HERC3: variants seen among roughly 807,000 people sequenced by gnomAD.
HERC3 encodes HECT and RLD domain containing E3 ubiquitin protein ligase 3.
HERC3 carries 58 observed loss-of-function variants against 129.9 expected under a neutral mutation model. The ratio of observed to expected loss-of-function variants is 0.45; its 90% CI spans 0.36 to 0.56. The LOEUF is 0.56. Ranked by LOEUF, HERC3 falls within the 20% of genes least tolerant of loss-of-function variation. HERC3 has a pLI of 0.00. For missense variants in HERC3, 835 were observed against 1,244.2 expected (o/e 0.67, Z 4.95); for synonymous variants, 430 against 451.0 (o/e 0.95, Z 0.59).
chr4:88,700,700 G>C (rs111734115), intron 23 of HERC3, among the ~76,000 whole-genome samples: 18 of 151,950 alleles, frequency 1.2e-4, no homozygotes, highest in African/African-American at 4.4e-4. Context: ...GTGAAGCCGA[G>C]GGGGGTGGGG....
At chr4:88,550,571 T>C in the HERC3 span, among the ~76,000 whole-genome samples, 12 of 152,060 alleles carry the variant, frequency 7.9e-5, no homozygotes, top group African/African-American at 2.7e-4. Context: ...GGAATCCAAC[T>C]TACAAGGGAC....
chr4:88,670,723 C>T (rs1336037155), intron 16 of HERC3, among the ~76,000 whole-genome samples: 1 of 151,174 alleles, frequency 6.6e-6, no homozygotes, highest in African/African-American at 2.4e-5. Flanking sequence ...TTTTTTTAAA[C>T]CATAATTAAA....
At chr4:88,597,460 G>A (rs1722525048) in intron 2 of HERC3, among the ~76,000 whole-genome samples, 1 of 152,210 alleles carries the variant, frequency 6.6e-6, no homozygotes, top group South Asian at 2.1e-4. Context: ...ATGCCCAGCA[G>A]TGAAATTACT....
chr4:88,704,281 G>A lies in HERC3; in HGVS notation c.2841G>A (p.Glu947=). 1.9e-6 allele frequency: 3 copies of A among 1,613,976 alleles called. No homozygotes were observed. The highest frequency in any genetic ancestry group is 2.5e-6 in the Non-Finnish European group (3 of 1,179,924). ...NSNYNWEELE[E]TAIYKGDYSA... is the part of the protein sequence containing the mutation. ...ACTACAACTGGGAAGAACTGGAAGA[G>A]GTAAGCACAAAAGATCCTTTAACTC... Residue 947 remains glutamate, a splice_region_variant and synonymous_variant, in exon 24 of 26, where the codon GAG becomes GAA. Coordinates refer to ENST00000402738, the MANE Select transcript of HERC3 (RefSeq NM_014606.3).
intron 3 of HERC3, among the ~76,000 whole-genome samples, chr4:88,640,094 T>C (rs1356207419): frequency 6.6e-6 from 1 of 152,164 alleles, no homozygotes. Context: ...CTGGCGAGGC[T>C]ATGGAGAAAT....
chr4:88,569,286 C>T, the HERC3 span, among the ~76,000 whole-genome samples: 1 of 152,202 alleles, frequency 6.6e-6, no homozygotes, highest in East Asian at 1.9e-4. Context: ...CCGGCACTCT[C>T]CTTTCCCCAA....
At chr4:88,612,478 C>T (rs1724455154) in intron 3 of HERC3, among the ~76,000 whole-genome samples, 1 of 152,052 alleles carries the variant, frequency 6.6e-6, no homozygotes, top group Admixed American at 6.6e-5. Flanking sequence ...GCATAGAGGC[C>T]TGTGATTCCC....
chr4:88,539,626 T>C, the HERC3 span, among the ~76,000 whole-genome samples: 1 of 152,130 alleles, frequency 6.6e-6, no homozygotes, highest in African/African-American at 2.4e-5. Flanking sequence ...GGTCCCTGAC[T>C]CTTGTGTTGC....
At chr4:88,578,353 G>A in the HERC3 span, among the ~76,000 whole-genome samples, 117 of 152,212 alleles carry the variant, frequency 7.7e-4, no homozygotes, top group East Asian at 0.014. Context: ...AGGACGAGGC[G>A]GGTAGATCAC....
At chr4:88,559,960 AT>A in the HERC3 span, among the ~76,000 whole-genome samples, 6,601 of 119,310 alleles carry the variant, frequency 0.055, 291 homozygotes, top group East Asian at 0.28. Context: ...GTTATTTTTG[AT>A]TTTTTTTTTT....
chr4:88,697,371 C>T (rs1385632672), intron 23 of HERC3: 3 of 1,613,982 alleles, frequency 1.9e-6, no homozygotes, highest in East Asian at 2.2e-5. Flanking sequence ...ATGCACACCC[C>T]TCCATCTCGC....
intron 3 of HERC3, among the ~76,000 whole-genome samples, chr4:88,613,280 T>C (rs576565086): frequency 6.6e-6 from 1 of 152,346 alleles, no homozygotes; most frequent in South Asian, 2.1e-4. Context: ...AGCTCTAACA[T>C]TTCTGTGCAA....
intron 23 of HERC3, chr4:88,697,603 A>G: frequency 1.2e-6 from 2 of 1,613,476 alleles, no homozygotes; most frequent in Non-Finnish European, 1.7e-6. Flanking sequence ...CTCCTCAGCC[A>G]TCTGACCAGC....
chr4:88,676,511 C>T (rs1578294697), intron 18 of HERC3, 88 bp downstream of exon 18: 1 of 921,452 alleles, frequency 1.1e-6, no homozygotes. Context: ...TAGGAGAAAA[C>T]ATATTTGGTT....
At chr4:88,548,990 T>C in the HERC3 span, among the ~76,000 whole-genome samples, 1 of 152,150 alleles carries the variant, frequency 6.6e-6, no homozygotes, top group Non-Finnish European at 1.5e-5. Flanking sequence ...TGGTGTCCTT[T>C]GCAGTACAGT....
chr4:88,706,260 C>A (rs2149353741), intron 25 of HERC3, among the ~76,000 whole-genome samples: 1 of 152,324 alleles, frequency 6.6e-6, no homozygotes, highest in Middle Eastern at 3.4e-3. Context: ...GTCTGTCTCC[C>A]TCTCTCTCTT....
chr4:88,561,508 A>G, the HERC3 span, among the ~76,000 whole-genome samples: 1 of 152,134 alleles, frequency 6.6e-6, no homozygotes, highest in Non-Finnish European at 1.5e-5. Flanking sequence ...TCTTTGTGTT[A>G]TAAACATTCC....
chr4:88,559,512 A>C, the HERC3 span, among the ~76,000 whole-genome samples: 8 of 152,194 alleles, frequency 5.3e-5, no homozygotes, highest in African/African-American at 1.9e-4. Context: ...TTGTTTTTAC[A>C]GATTCCAGAT....
chr4:88,550,706 T>C, the HERC3 span, among the ~76,000 whole-genome samples: 891 of 149,660 alleles, frequency 6.0e-3, 26 homozygotes, highest in Admixed American at 0.052. Flanking sequence ...ATGGCCATAC[T>C]GCCCAAGGTA....
Sources: gnomAD v4.1 joint callset for allele counts (sites outside exome capture counted in the v4.1 genomes callset) on GRCh38, gnomAD v4.1.1 for gene constraint, MANE v1.5 for transcripts, NCBI Gene and HGNC (gene_info 2026-07-23, HGNC 2026-07-21) for gene names.